Variants in CNTNAP2 observed in about 807,000 individuals in gnomAD.
CNTNAP2 encodes the protein contactin associated protein 2, also known as contactin-associated protein-like 2.
In CNTNAP2, 98 loss-of-function variants were observed where a neutral mutation model predicts 155.2. That is an observed-to-expected ratio of 0.63 (90% CI 0.54 to 0.75). The LOEUF (loss-of-function observed/expected upper bound fraction) is 0.75, where lower values mean the gene tolerates loss of function less well. Among genes scored for constraint, CNTNAP2 ranks in the 30% least tolerant of loss-of-function variants. The pLI is 0.00. For missense variants in CNTNAP2, 1,727 were observed against 1,688.1 expected (o/e 1.02, Z -0.40); for synonymous variants, 651 against 631.2 (o/e 1.03, Z -0.47).
At chr7:147,060,763 C>A (rs1043449061) in intron 4 of CNTNAP2, among the ~76,000 whole-genome samples, 1 of 152,004 alleles carries the variant, frequency 6.6e-6, no homozygotes. Context: ...ACTCTGGAGG[C>A]TGAGGCAGGA....
chr7:147,094,613 A>G (rs1800488721), intron 4 of CNTNAP2, among the ~76,000 whole-genome samples: 1 of 151,046 alleles, frequency 6.6e-6, no homozygotes, highest in Non-Finnish European at 1.5e-5. Context: ...TCACTGTGTT[A>G]GCCAGTATGA....
chr7:146,153,476 C>A (rs1200208578), intron 1 of CNTNAP2, among the ~76,000 whole-genome samples: 1 of 152,136 alleles, frequency 6.6e-6, no homozygotes, highest in Non-Finnish European at 1.5e-5. Context: ...GGTGGAAAAT[C>A]TTTTGCACGG....
intron 21 of CNTNAP2, among the ~76,000 whole-genome samples, chr7:148,320,545 G>A (rs1240289344): frequency 3.3e-5 from 5 of 151,612 alleles, no homozygotes; most frequent in South Asian, 2.1e-4. Flanking sequence ...CACCATACCC[G>A]GCTAATTTTT....
intron 1 of CNTNAP2, among the ~76,000 whole-genome samples, chr7:146,413,753 A>G (rs1795898887): frequency 6.6e-6 from 1 of 151,962 alleles, no homozygotes; most frequent in Non-Finnish European, 1.5e-5. Context: ...TACACTCATA[A>G]TTTTCCCGAG....
intron 1 of CNTNAP2, among the ~76,000 whole-genome samples, chr7:146,729,568 T>G (rs1265349888): frequency 1.3e-5 from 2 of 151,742 alleles, no homozygotes; most frequent in Non-Finnish European, 2.9e-5. Flanking sequence ...ATTTTAAATA[T>G]ATGTATATAT....
intron 12 of CNTNAP2, among the ~76,000 whole-genome samples, chr7:147,634,310 G>C (rs762376851): frequency 1.2e-4 from 19 of 152,160 alleles, no homozygotes; most frequent in Non-Finnish European, 2.1e-4. Context: ...CAGCAACCTG[G>C]ATGGAGTTGG....
At chr7:146,595,475 A>T (rs1389077792) in intron 1 of CNTNAP2, among the ~76,000 whole-genome samples, 1 of 152,094 alleles carries the variant, frequency 6.6e-6, no homozygotes, top group African/African-American at 2.4e-5. Flanking sequence ...GAAGAACTTA[A>T]AGCTTATACC....
intron 10 of CNTNAP2, among the ~76,000 whole-genome samples, chr7:147,440,785 G>A (rs7803315): frequency 1.3e-5 from 2 of 151,852 alleles, no homozygotes; most frequent in Non-Finnish European, 2.9e-5. Context: ...TATGTCATAC[G>A]ACTCTCTTCT....
chr7:146,230,776 G>C (rs572734240), intron 1 of CNTNAP2, among the ~76,000 whole-genome samples: 2 of 152,226 alleles, frequency 1.3e-5, no homozygotes, highest in Admixed American at 6.5e-5. Context: ...AACACTTTGG[G>C]AGGCCGAGGC....
At chr7:146,288,179 T>C (rs1800368199) in intron 1 of CNTNAP2, among the ~76,000 whole-genome samples, 1 of 151,484 alleles carries the variant, frequency 6.6e-6, no homozygotes, top group Non-Finnish European at 1.5e-5. Flanking sequence ...TTGCCTGTGT[T>C]CCCAGCTACT....
intron 2 of CNTNAP2, among the ~76,000 whole-genome samples, chr7:146,779,051 T>C (rs1215033214): frequency 6.6e-6 from 1 of 152,150 alleles, no homozygotes; most frequent in Non-Finnish European, 1.5e-5. Flanking sequence ...GGGGAAGAAG[T>C]GAAGACATGA....
At position 148,289,581 on chromosome 7, in the gene CNTNAP2, T is replaced by TCA. The variant is rs55906004; in HGVS notation, c.3475+22475_3475+22476dup. Among the ~76,000 whole-genome samples, 143 of 151,238 alleles carry TCA rather than the reference T, an allele frequency of 9.5e-4. 1 individual carries two copies. The highest frequency in any genetic ancestry group is 2.2e-3 in the Admixed American group (34 of 15,188). ...TAAATGAATACACACACACTCACAC[T>TCA]CACACACACACACACACACACCCCA... On this transcript the variant is annotated intron_variant, in intron 21 of 23. Coordinates refer to ENST00000361727, the MANE Select transcript of CNTNAP2 (RefSeq NM_014141.6).
intron 9 of CNTNAP2, among the ~76,000 whole-genome samples, chr7:147,317,832 G>GTA (rs1795262296): frequency 6.6e-6 from 1 of 151,588 alleles, no homozygotes; most frequent in African/African-American, 2.4e-5. Context: ...GTGTGTGCGT[G>GTA]TATATATGTA....
intron 8 of CNTNAP2, 151 bp downstream of exon 8, chr7:147,132,660 G>C: frequency 9.0e-7 from 1 of 1,105,578 alleles, no homozygotes; most frequent in East Asian, 2.6e-5. Context: ...AGTGTGTGCT[G>C]ATTGAATAAA....
At chr7:147,342,715 C>G (rs975056188) in intron 9 of CNTNAP2, among the ~76,000 whole-genome samples, 2 of 152,004 alleles carry the variant, frequency 1.3e-5, no homozygotes, top group Non-Finnish European at 2.9e-5. Context: ...TACCTGAGAG[C>G]AGCAGCAACA....
intron 17 of CNTNAP2, among the ~76,000 whole-genome samples, chr7:148,164,997 A>G (rs1319247941): frequency 1.3e-5 from 2 of 151,968 alleles, no homozygotes; most frequent in Non-Finnish European, 2.9e-5. Context: ...AGGGACCCCA[A>G]GGTCACTTTC....
At chr7:146,343,254 A>G (rs368993741) in intron 1 of CNTNAP2, among the ~76,000 whole-genome samples, 1 of 152,116 alleles carries the variant, frequency 6.6e-6, no homozygotes, top group African/African-American at 2.4e-5. Context: ...GCATTTGCTT[A>G]TTTGGAAACA....
chr7:146,633,832 G>GAAAAAAAAAAAAAAAAAAAAAAAAAAAA (rs60993956), intron 1 of CNTNAP2, among the ~76,000 whole-genome samples: 3 of 79,048 alleles, frequency 3.8e-5, no homozygotes, highest in African/African-American at 6.0e-5. Context: ...TGCATCTAGA[G>GAAAAAAAAAAAAAAAAAAAAAAAAAAAA]AAAAAAAAAA....
At chr7:147,807,856 A>G (rs527259614) in intron 13 of CNTNAP2, among the ~76,000 whole-genome samples, 217 of 152,202 alleles carry the variant, frequency 1.4e-3, no homozygotes, top group African/African-American at 4.7e-3. Flanking sequence ...AATCATGAAT[A>G]AAAGATAGTT....
Sources: gnomAD v4.1 joint callset for allele counts (sites outside exome capture counted in the v4.1 genomes callset) on GRCh38, gnomAD v4.1.1 for gene constraint, MANE v1.5 for transcripts, NCBI Gene and HGNC (gene_info 2026-07-23, HGNC 2026-07-21) for gene names.